ALMS1: variants seen among roughly 807,000 people sequenced by gnomAD.
ALMS1 encodes the protein ALMS1 centrosome and basal body associated protein.
Under a neutral mutation model 352.2 loss-of-function variants are expected in ALMS1, and 271 were observed. That is an observed-to-expected ratio of 0.77 (90% CI 0.70 to 0.85). ALMS1 has a LOEUF of 0.85. ALMS1 is among the 40% of genes least tolerant of loss of function. The pLI, the probability that ALMS1 is intolerant of heterozygous loss-of-function variation, is 0.00. For missense variants in ALMS1, 5,445 were observed against 4,870.7 expected (o/e 1.12, Z -3.51); for synonymous variants, 1,865 against 1,761.2 (o/e 1.06, Z -1.48).
intron 11 of ALMS1, among the ~76,000 whole-genome samples, chr2:73,531,038 A>G (rs1191398837): frequency 6.6e-6 from 1 of 152,232 alleles, no homozygotes; most frequent in Non-Finnish European, 1.5e-5. Context: ...GATCTCTGAC[A>G]TGCCCTGGAG....
intron 16 of ALMS1, among the ~76,000 whole-genome samples, chr2:73,585,143 A>G (rs1400995638): frequency 6.6e-6 from 1 of 152,182 alleles, no homozygotes; most frequent in East Asian, 1.9e-4. Context: ...GAAGATACCC[A>G]GTAGTGGGAC....
chr2:73,484,689 C>G (rs934704084), intron 9 of ALMS1, among the ~76,000 whole-genome samples: 2 of 152,002 alleles, frequency 1.3e-5, no homozygotes, highest in Non-Finnish European at 2.9e-5. Flanking sequence ...TGGTTCCATT[C>G]TCCCCATCAC....
chr2:73,461,961 G>T (rs1391618898), intron 9 of ALMS1, among the ~76,000 whole-genome samples: 1 of 152,070 alleles, frequency 6.6e-6, no homozygotes, highest in Non-Finnish European at 1.5e-5. Flanking sequence ...TATGTGAAAA[G>T]ACCAAATCTA....
intron 11 of ALMS1, among the ~76,000 whole-genome samples, chr2:73,528,367 T>C (rs1428393675): frequency 6.6e-6 from 1 of 152,226 alleles, no homozygotes; most frequent in Non-Finnish European, 1.5e-5. Context: ...TCTCTCTCTT[T>C]AGCTGTAAGA....
chr2:73,471,077 T>C (rs1276570805), intron 9 of ALMS1: 1 of 151,866 alleles, frequency 6.6e-6, no homozygotes, highest in East Asian at 1.9e-4. Context: ...TTAGGGAGTT[T>C]ACTCCATTTA....
intron 15 of ALMS1, among the ~76,000 whole-genome samples, chr2:73,563,244 T>TA (rs1476724564): frequency 6.6e-6 from 1 of 152,116 alleles, no homozygotes; most frequent in Non-Finnish European, 1.5e-5. Flanking sequence ...GGGACATTAA[T>TA]ATAGATGAGG....
chr2:73,581,626 G>C (rs1216391541), intron 16 of ALMS1, among the ~76,000 whole-genome samples: 2 of 152,122 alleles, frequency 1.3e-5, no homozygotes, highest in Non-Finnish European at 2.9e-5. Flanking sequence ...GTATTTTTTG[G>C]TGTTTCTAGA....
Position 73,490,240 on chromosome 2 carries a change from C to A in ALMS1, c.8281C>A (p.Pro2761Thr), listed in dbSNP as rs369650940. ...NSHFTEEQNP[P>T]RDLKQKTSSP... ...TCATTTCACTGAAGAACAAAATCCT[C>A]CCAGAGATCTTAAACAGAAAACCTC... is the stretch of plus-strand genomic sequence containing the variant. The change falls in exon 10 of 23, where the codon CCC (proline) becomes ACC (threonine). Residue 2761 changes from proline (P) to threonine (T), a missense_variant. Physicochemically the swap from Pro to Thr is conservative, Grantham distance 38. Coordinates refer to ENST00000613296, the MANE Select transcript of ALMS1 (RefSeq NM_001378454.1). 3.7e-6 allele frequency: 6 copies of A among 1,613,952 alleles called. No individual in the cohort carries two copies. The highest frequency in any genetic ancestry group is 2.7e-5 in the African/African-American group (2 of 74,902).
intron 7 of ALMS1, among the ~76,000 whole-genome samples, chr2:73,441,017 G>A (rs1456771727): frequency 6.6e-6 from 1 of 152,134 alleles, no homozygotes; most frequent in Non-Finnish European, 1.5e-5. Flanking sequence ...TGGGTGGAAT[G>A]GTCTTCCTCA....
In ALMS1 at chr2:73,450,055, A is replaced by C. The variant is rs754195469; in HGVS notation, c.3528A>C (p.Gly1176=). The change falls in exon 8 of 23, where the codon GGA becomes GGC. Residue 1176 remains glycine (G), a synonymous_variant. Coordinates refer to ENST00000613296, the MANE Select transcript of ALMS1 (RefSeq NM_001378454.1). The part of the protein sequence containing the change: ...EEAQKVSAVT[G]PGNQKTWIPR... ...CTCAGAAAGTTTCAGCTGTTACTGG[A>C]CCAGGTAACCAGAAGACTTGGATAC... 1 of 1,613,992 alleles carries C rather than the reference A, an allele frequency of 6.2e-7. No individual in the cohort carries two copies. Among genetic ancestry groups the C allele is most frequent in the East Asian group, 2.2e-5 (1 of 44,872 alleles).
chr2:73,456,596 A>G (rs984079741), intron 9 of ALMS1, among the ~76,000 whole-genome samples: 1 of 152,190 alleles, frequency 6.6e-6, no homozygotes, highest in Non-Finnish European at 1.5e-5. Flanking sequence ...CAAGGATTTC[A>G]TGGCCTGATT....
At chr2:73,569,985 G>A (rs1674884854) in intron 15 of ALMS1, among the ~76,000 whole-genome samples, 1 of 152,172 alleles carries the variant, frequency 6.6e-6, no homozygotes, top group Admixed American at 6.5e-5. Flanking sequence ...CAAATAGATT[G>A]GAAAGGTACA....
Position 73,599,554 on chromosome 2 carries a change from A to G in ALMS1, c.11668+33A>G, listed in dbSNP as rs777836842. The G allele has an allele frequency of 3.1e-6, 5 of 1,601,132 alleles. No individual in the cohort carries two copies. In the Admixed American group the frequency reaches 5.0e-5, roughly 16 times the overall value. ...CTTGAATCTAAACTTTTTCATTGAA[A>G]TACATTGAAATGGCTCTTAAACATG... On this transcript the variant is annotated intron_variant, in intron 17 of 22. Transcript: ENST00000613296.
In ALMS1 at chr2:73,424,898, A is replaced by G. The variant is rs1671350650; in HGVS notation, c.1233A>G (p.Leu411=). Residue 411 remains leucine, a synonymous_variant, in exon 5 of 23, where the codon TTA becomes TTG. Coordinates refer to ENST00000613296, the MANE Select transcript of ALMS1 (RefSeq NM_001378454.1). ...CATCTAAGCAGGCAGAAACATATTT[A>G]ACCAGTAAGTACCCTGATTCTTTTT... ...EDSSKQAETY[L]TKGLQGKVES... is the part of the protein sequence containing the mutation. 1 of 1,597,978 alleles carries G rather than the reference A, an allele frequency of 6.3e-7. No homozygotes were observed. The highest frequency in any genetic ancestry group is 1.3e-5 in the African/African-American group (1 of 74,166).
chr2:73,463,102 C>T (rs192659028), intron 9 of ALMS1, among the ~76,000 whole-genome samples: 20 of 152,306 alleles, frequency 1.3e-4, no homozygotes, highest in South Asian at 6.2e-4. Flanking sequence ...CTGCACCAAG[C>T]AGACCTAATA....
intron 12 of ALMS1, among the ~76,000 whole-genome samples, chr2:73,542,352 A>G (rs893854921): frequency 6.6e-6 from 1 of 152,222 alleles, no homozygotes; most frequent in Non-Finnish European, 1.5e-5. Flanking sequence ...TAAATGAGGT[A>G]TTGATGGGAC....
chr2:73,463,820 C>T (rs1282814265), intron 9 of ALMS1, among the ~76,000 whole-genome samples: 3 of 147,852 alleles, frequency 2.0e-5, no homozygotes, highest in African/African-American at 7.5e-5. Context: ...ACAAACACCT[C>T]TATGCAAATA....
At chr2:73,537,499 G>A (rs543531167) in intron 12 of ALMS1, among the ~76,000 whole-genome samples, 6 of 152,240 alleles carry the variant, frequency 3.9e-5, no homozygotes, top group African/African-American at 9.6e-5. Context: ...GATGAAGGCC[G>A]GGAGATTTAT....
rs756524496 is a variant in ALMS1 at position 73,449,946 on chromosome 2, C to T, written c.3419C>T (p.Thr1140Ile). ...CAGAAGACTGGCACACCAACTGTAA[C>T]CTCAACTTCCTACTCACAACATAGA... ...ADQKTGTPTV[T>I]STSYSQHREK... Residue 1140 changes from threonine to isoleucine, a missense_variant, in exon 8 of 23, where the codon ACC becomes ATC. Coordinates refer to ENST00000613296, the MANE Select transcript of ALMS1 (RefSeq NM_001378454.1). 6.2e-7 allele frequency: 1 copy of T among 1,613,932 alleles called. No homozygotes were observed. Among genetic ancestry groups the T allele is most frequent in the Non-Finnish European group, 8.5e-7 (1 of 1,179,938 alleles).
Sources: allele counts gnomAD v4.1 joint callset (sites outside exome capture counted in the v4.1 genomes callset), GRCh38; gene constraint gnomAD v4.1.1; transcripts MANE v1.5; gene names NCBI Gene and HGNC (gene_info 2026-07-23, HGNC 2026-07-21).